MAPRE3: variants seen among roughly 807,000 people sequenced by gnomAD.
The protein encoded by MAPRE3 is microtubule-associated protein RP/EB family member 3.
MAPRE3 carries 2 observed loss-of-function variants against 30.5 expected under a neutral mutation model. The ratio of observed to expected loss-of-function variants is 0.07; its 90% CI spans 0.03 to 0.21. The LOEUF is 0.21. MAPRE3 is among the 10% of genes least tolerant of loss of function. The probability of loss-of-function intolerance (pLI) is 1.00; values close to 1 mark genes in which losing one functional copy is unlikely to be tolerated. For synonymous variants in MAPRE3, 110 were observed against 127.7 expected, an observed-to-expected ratio of 0.86 and a Z score of 0.93; for missense variants, 204 against 351.8, an observed-to-expected ratio of 0.58 and a Z score of 3.36.
At chr2:26,998,863 C>T (rs1193981020) in intron 1 of MAPRE3, among the ~76,000 whole-genome samples, 1 of 152,182 alleles carries the variant, frequency 6.6e-6, no homozygotes, top group East Asian at 1.9e-4. Context: ...TGCCAAATAT[C>T]TTCCATTTGT....
intron 1 of MAPRE3, among the ~76,000 whole-genome samples, chr2:26,974,009 A>T (rs1246593241): frequency 6.6e-6 from 1 of 152,190 alleles, no homozygotes; most frequent in Non-Finnish European, 1.5e-5. Context: ...TCTAAAGTTG[A>T]CACAAGACAC....
chr2:27,021,846 G>C (rs1326579411), intron 1 of MAPRE3, among the ~76,000 whole-genome samples: 2 of 152,094 alleles, frequency 1.3e-5, no homozygotes, highest in Non-Finnish European at 2.9e-5. Flanking sequence ...TCTCTGCTCT[G>C]AAGCCTTCGC....
intron 1 of MAPRE3, among the ~76,000 whole-genome samples, chr2:27,018,672 G>A (rs901782851): frequency 2.6e-5 from 4 of 151,946 alleles, no homozygotes; most frequent in African/African-American, 4.8e-5. Context: ...CTGCCCCTTC[G>A]GCAAGCTTAG....
intron 1 of MAPRE3, among the ~76,000 whole-genome samples, chr2:27,003,628 A>T (rs1020734750): frequency 6.6e-6 from 1 of 152,204 alleles, no homozygotes; most frequent in African/African-American, 2.4e-5. Context: ...TAATGCTGGG[A>T]AGGTGATACC....
rs1666969003 is a variant in MAPRE3, at chr2:27,015,806, T to C, written c.-7-6406T>C. ...TGATTTAAGAATATAAGTGCCTAGATCTAAGTGCAGTCCTAATCGCCTGGG... is the reference window on the plus strand; with the variant it reads ...TGATTTAAGAATATAAGTGCCTAGACCTAAGTGCAGTCCTAATCGCCTGGG... On this transcript the variant is annotated intron_variant, in intron 1 of 6. Transcript: ENST00000233121. The surrounding 1 kb of genome is among the most constrained non-coding windows in gnomAD (Gnocchi z 4.0). Among the ~76,000 whole-genome samples, 1 of 152,170 alleles carries C rather than the reference T, an allele frequency of 6.6e-6. No individual in the cohort carries two copies. The highest frequency in any genetic ancestry group is 2.4e-5 in the African/African-American group (1 of 41,434).
intron 1 of MAPRE3, among the ~76,000 whole-genome samples, chr2:27,011,162 C>CT (rs1666847670): frequency 1.3e-5 from 2 of 152,068 alleles, no homozygotes. Flanking sequence ...GTCTTATGCT[C>CT]TTTTTTTAAA....
intron 1 of MAPRE3, among the ~76,000 whole-genome samples, chr2:27,003,884 C>T (rs993736470): frequency 3.3e-5 from 5 of 152,224 alleles, no homozygotes; most frequent in Non-Finnish European, 7.3e-5. Flanking sequence ...GACCTATAAC[C>T]GTCACTCACT....
rs3754733 is a variant in MAPRE3 at position 27,026,377 on chromosome 2, A to G, written c.*29A>G. 997,247 of 1,586,098 alleles carry G rather than the reference A, an allele frequency of 0.63. 316,282 individuals carry two copies. The highest frequency in any genetic ancestry group is 0.78 in the East Asian group (34,819 of 44,696). On this transcript the variant is annotated 3_prime_UTR_variant, in exon 7 of 7. Transcript: ENST00000233121. ...CGGCCGCAGCCCTGGCTGACTGCACAGCTTCCCCGTGCCTCCCTCCCTGCT... is the reference window on the plus strand; with the variant it reads ...CGGCCGCAGCCCTGGCTGACTGCACGGCTTCCCCGTGCCTCCCTCCCTGCT...
At chr2:26,977,548 G>A (rs547291033) in intron 1 of MAPRE3, among the ~76,000 whole-genome samples, 1 of 152,272 alleles carries the variant, frequency 6.6e-6, no homozygotes, top group South Asian at 2.1e-4. Context: ...ACTCTGCCCA[G>A]GCCCACTACA....
intron 2 of MAPRE3, chr2:27,022,948 C>G (rs1667140988): frequency 5.8e-6 from 1 of 171,422 alleles, no homozygotes; most frequent in Non-Finnish European, 1.3e-5. Flanking sequence ...AGCAGAGCCA[C>G]AGGTCTGACC....
intron 1 of MAPRE3, among the ~76,000 whole-genome samples, chr2:26,992,469 C>G (rs1226652251): frequency 6.6e-6 from 1 of 152,162 alleles, no homozygotes; most frequent in African/African-American, 2.4e-5. Flanking sequence ...AGGTGATCCA[C>G]CCGCCTCAGC....
chr2:27,010,676 C>A (rs992433708), intron 1 of MAPRE3, among the ~76,000 whole-genome samples: 3 of 152,086 alleles, frequency 2.0e-5, no homozygotes, highest in African/African-American at 7.2e-5. Flanking sequence ...CTCCTGACCT[C>A]AGGTGATCCA....
chr2:27,006,041 G>A (rs1666718782), intron 1 of MAPRE3, among the ~76,000 whole-genome samples: 1 of 152,146 alleles, frequency 6.6e-6, no homozygotes, highest in African/African-American at 2.4e-5. Context: ...AATTAGCCGG[G>A]CACAGTGGCG....
chr2:27,026,113 C>A, intron 6 of MAPRE3, 81 bp downstream of exon 6: 1 of 1,542,138 alleles, frequency 6.5e-7, no homozygotes, highest in South Asian at 1.2e-5. Context: ...CAGAAGGGAC[C>A]GTGGAGAACA....
At chr2:26,995,515 G>A (rs112232751) in intron 1 of MAPRE3, 1 of 152,204 alleles carries the variant, frequency 6.6e-6, no homozygotes, top group African/African-American at 2.4e-5. Flanking sequence ...TCAAGAGCCA[G>A]CTGTAAGGGG....
intron 1 of MAPRE3, chr2:27,012,217 A>AG (rs1553330019): frequency 1.9e-4 from 27 of 145,850 alleles, no homozygotes; most frequent in Admixed American, 2.7e-4. Flanking sequence ...AAAAAAAAAA[A>AG]AAGAAGAAGA....
At chr2:26,972,405 C>T (rs1267462165) in intron 1 of MAPRE3, among the ~76,000 whole-genome samples, 1 of 152,228 alleles carries the variant, frequency 6.6e-6, no homozygotes, top group Non-Finnish European at 1.5e-5. Context: ...GATTAGTTTA[C>T]AGTAGCCAAG....
intron 4 of MAPRE3, among the ~76,000 whole-genome samples, chr2:27,024,897 C>T (rs1180152456): frequency 1.3e-5 from 2 of 152,172 alleles, no homozygotes; most frequent in Non-Finnish European, 2.9e-5. Flanking sequence ...CGTCGGACCC[C>T]GTCATAGCAG....
rs537205218 is a variant in MAPRE3 at position 26,972,293 on chromosome 2, G to A, written c.-8+1491G>A. ...AAGGAGCCACTCATTTGGAGTTTCC[G>A]GGGTTGCAAACAATGAGAAATAACT... is the stretch of plus-strand genomic sequence containing the variant. On this transcript the variant is annotated intron_variant, in intron 1 of 6. Coordinates refer to ENST00000233121, the MANE Select transcript of MAPRE3 (RefSeq NM_012326.4). Among the ~76,000 whole-genome samples, 3 of 152,308 alleles carry A rather than the reference G, an allele frequency of 2.0e-5. No homozygotes were observed. The East Asian group carries it at 5.8e-4, about 29-fold the overall frequency.
Sources: gnomAD v4.1 joint callset for allele counts (sites outside exome capture counted in the v4.1 genomes callset) on GRCh38, gnomAD v4.1.1 for gene constraint, Gnocchi (gnomAD v3.1) non-coding constraint, MANE v1.5 for transcripts, NCBI Gene and HGNC (gene_info 2026-07-23, HGNC 2026-07-21) for gene names.